The following TRAPPC10 variants were observed in gnomAD, a reference collection of about 807,000 sequenced individuals.
The protein encoded by TRAPPC10 is TRAPP 130 kDa subunit.
A neutral mutation model predicts 125.5 loss-of-function variants in TRAPPC10; 23 were observed. The observed-to-expected ratio is 0.18, with a 90% confidence interval of 0.13 to 0.26. The LOEUF (loss-of-function observed/expected upper bound fraction) is 0.26, where lower values mean the gene tolerates loss of function less well. Ranked by LOEUF, TRAPPC10 falls within the 10% of genes least tolerant of loss-of-function variation. The probability of loss-of-function intolerance (pLI) is 1.00; values close to 1 mark genes in which losing one functional copy is unlikely to be tolerated. For synonymous variants in TRAPPC10, 509 were observed against 518.0 expected, an observed-to-expected ratio of 0.98 and a Z score of 0.24; for missense variants, 1,123 against 1,308.4, an observed-to-expected ratio of 0.86 and a Z score of 2.19.
intron 3 of TRAPPC10, among the ~76,000 whole-genome samples, chr21:44,041,121 T>A (rs2034386041): frequency 6.6e-6 from 1 of 152,222 alleles, no homozygotes; most frequent in Admixed American, 6.5e-5. Context: ...TCTACTTAAT[T>A]CATTAAAATA....
chr21:44,063,486 A>G lies in TRAPPC10; in HGVS notation c.791-52A>G, dbSNP rs2036206270. The G allele has an allele frequency of 6.3e-7, 1 of 1,592,478 alleles. No individual in the cohort carries two copies. Among genetic ancestry groups the G allele is most frequent in the African/African-American group, 1.3e-5 (1 of 74,582 alleles). On this transcript the variant is annotated intron_variant, in intron 6 of 22. Coordinates refer to ENST00000291574, the MANE Select transcript of TRAPPC10 (RefSeq NM_003274.5). The surrounding 1 kb of genome is among the most constrained non-coding windows in gnomAD (Gnocchi z 4.4). ...CATCCTCAGCCTGAGCAGGAAGCTCAGGAAGGTGAAGTACCTGCAATCAGC... is the reference window on the plus strand; with the variant it reads ...CATCCTCAGCCTGAGCAGGAAGCTCGGGAAGGTGAAGTACCTGCAATCAGC...
intron 3 of TRAPPC10, among the ~76,000 whole-genome samples, chr21:44,041,945 C>T (rs1237058591): frequency 6.6e-6 from 1 of 152,108 alleles, no homozygotes; most frequent in Non-Finnish European, 1.5e-5. Context: ...AGGCTGGTCT[C>T]AAACTCCTGA....
chr21:44,063,365 C>A lies in TRAPPC10; in HGVS notation c.791-173C>A, dbSNP rs1412474615. Among the ~76,000 whole-genome samples the A allele has an allele frequency of 6.6e-6, 1 of 152,130 alleles. No individual in the cohort carries two copies. ...TGCCTGGGTCACGTTACCCTCAGCT[C>A]GGCTGTCAGTGCTGGGAGCCGAATG... On this transcript the variant is annotated intron_variant, in intron 6 of 22. Coordinates refer to ENST00000291574, the MANE Select transcript of TRAPPC10 (RefSeq NM_003274.5). This position sits in a 1 kb window ranked among gnomAD's most constrained non-coding sequence, Gnocchi z 4.4.
chr21:44,074,483 C>T lies in TRAPPC10; in HGVS notation c.1185+13C>T, dbSNP rs766590796. On this transcript the variant is annotated intron_variant, in intron 8 of 22. Transcript: ENST00000291574. ...TGCCACAGAAAAGGTGCCTACCTGC[C>T]CAAGTGTGGAATGCTCACGTTGTCT... The T allele has an allele frequency of 9.3e-6, 15 of 1,613,916 alleles. 1 individual carries two copies. In the East Asian group the frequency reaches 1.1e-4, roughly 12 times the overall value.
At chr21:44,084,588 A>G (rs1601803002) in intron 15 of TRAPPC10, among the ~76,000 whole-genome samples, 2 of 152,198 alleles carry the variant, frequency 1.3e-5, no homozygotes, top group South Asian at 4.1e-4. Flanking sequence ...GTCAATGCAG[A>G]GGACTTCTGG....
At chr21:44,078,770 C>T (rs138743161) in intron 11 of TRAPPC10, among the ~76,000 whole-genome samples, 3 of 152,332 alleles carry the variant, frequency 2.0e-5, no homozygotes, top group African/African-American at 7.2e-5. Flanking sequence ...GAGGCTTTGA[C>T]AAGCCCTTAT....
At chr21:44,035,603 C>A (rs1172989104) in intron 2 of TRAPPC10, among the ~76,000 whole-genome samples, 1 of 152,074 alleles carries the variant, frequency 6.6e-6, no homozygotes, top group Admixed American at 6.5e-5. Flanking sequence ...CATGGTGAAA[C>A]CCTGTCTCTT....
chr21:44,089,763 G>A lies in TRAPPC10; in HGVS notation c.2770-70G>A, dbSNP rs1010334744. The A allele has an allele frequency of 2.3e-4, 278 of 1,200,456 alleles. No individual in the cohort carries two copies. The Middle Eastern group carries it at 2.6e-3, about 11-fold the overall frequency. 74.4% of individuals were successfully genotyped at this position (1,200,456 alleles called of 1,614,324 possible). On this transcript the variant is annotated intron_variant, in intron 17 of 22. Transcript: ENST00000291574. Reference sequence around the variant, plus strand: ...TGGGCGGGCACTGCAGGTGAGTCTGGGCAGCAGTGGTGGTGGCTGTGCTGT... The same window carrying A: ...TGGGCGGGCACTGCAGGTGAGTCTGAGCAGCAGTGGTGGTGGCTGTGCTGT...
rs931596656 is a variant in TRAPPC10 at position 44,012,337 on chromosome 21, G to C, written c.-157G>C. ...GCCGAGGCCGGAAGTGGCTGAGGCC[G>C]GCAGCAGCGGGCGGCAGCTGCGGCG... On this transcript the variant is annotated 5_prime_UTR_variant, in exon 1 of 23. Coordinates refer to ENST00000291574, the MANE Select transcript of TRAPPC10 (RefSeq NM_003274.5). The C allele has an allele frequency of 4.8e-6, 1 of 206,704 alleles. No homozygotes were observed. Among genetic ancestry groups the C allele is most frequent in the Non-Finnish European group, 8.5e-6 (1 of 118,326 alleles). The allele number at this position is 206,704 out of a possible 1,614,324, so 12.8% of individuals were successfully genotyped here. A position where few individuals can be genotyped will look rare whatever the true frequency, so the allele number is the denominator to read the frequency against.
At chr21:44,035,979 T>C (rs2033953453) in intron 2 of TRAPPC10, among the ~76,000 whole-genome samples, 1 of 152,068 alleles carries the variant, frequency 6.6e-6, no homozygotes, top group South Asian at 2.1e-4. Flanking sequence ...AAAGCAGGAA[T>C]GGGAGAGCAT....
At chr21:44,075,602 C>T (rs938024064) in intron 9 of TRAPPC10, among the ~76,000 whole-genome samples, 1 of 152,152 alleles carries the variant, frequency 6.6e-6, no homozygotes, top group African/African-American at 2.4e-5. Context: ...CCTCTTGCCT[C>T]ACCCTCCCAG....
At chr21:44,047,553 TGTGTGTGTGTGTGC>T (rs1205608285) in intron 3 of TRAPPC10, among the ~76,000 whole-genome samples, 2 of 150,916 alleles carry the variant, frequency 1.3e-5, no homozygotes, top group African/African-American at 2.5e-5. Flanking sequence ...TGTGTGTGTG[TGTGTGTGTGTGTGC>T]GCGCACACGC....
At position 44,087,941 on chromosome 21, in the gene TRAPPC10, A is replaced by G. The variant is rs756248283; in HGVS notation, c.2769+13A>G. The G allele has an allele frequency of 3.7e-6, 6 of 1,603,220 alleles. No individual in the cohort carries two copies. Among genetic ancestry groups the G allele is most frequent in the Non-Finnish European group, 5.1e-6 (6 of 1,173,098 alleles). ...CACAGACCACAAAGTGAGTAGGGAC[A>G]GTGGAGGAGCTTAGCTTGTGGGGCG... On this transcript the variant is annotated intron_variant, in intron 17 of 22. Transcript: ENST00000291574. The surrounding 1 kb of genome is among the most constrained non-coding windows in gnomAD (Gnocchi z 4.6).
chr21:44,094,263 G>GCC, intron 20 of TRAPPC10, 30 bp downstream of exon 20: 2 of 1,584,902 alleles, frequency 1.3e-6, no homozygotes, highest in Non-Finnish European at 1.7e-6. Context: ...GGGAGGGTGG[G>GCC]GGTGAAAAAA....
At chr21:44,058,982 G>T in intron 5 of TRAPPC10, 121 bp from the exon 6 acceptor site, 1 of 643,666 alleles carries the variant, frequency 1.6e-6, no homozygotes, top group Non-Finnish European at 2.6e-6. Flanking sequence ...TTACTTAGCG[G>T]AGCGTAGACA....
At chr21:44,051,169 G>GC (rs1449179169) in intron 3 of TRAPPC10, among the ~76,000 whole-genome samples, 3 of 152,168 alleles carry the variant, frequency 2.0e-5, no homozygotes, top group Non-Finnish European at 4.4e-5. Context: ...CTCCCAAAGT[G>GC]CTAGGATTAC....
intron 1 of TRAPPC10, 118 bp from the exon 2 acceptor site, chr21:44,031,973 C>T (rs563285839): frequency 3.8e-6 from 3 of 790,922 alleles, no homozygotes; most frequent in Admixed American, 2.2e-5. Context: ...AAGAATCTTG[C>T]GATATCGCTT....
At chr21:44,086,030 G>A (rs568210602) in intron 15 of TRAPPC10, among the ~76,000 whole-genome samples, 162 of 152,356 alleles carry the variant, frequency 1.1e-3, no homozygotes, top group African/African-American at 3.7e-3. Context: ...GCTGTCAGAT[G>A]TGGGACACAG....
At chr21:44,028,405 C>T (rs1393577767) in intron 1 of TRAPPC10, among the ~76,000 whole-genome samples, 1 of 152,192 alleles carries the variant, frequency 6.6e-6, no homozygotes, top group Non-Finnish European at 1.5e-5. Context: ...GTGCCTGTGT[C>T]CCTCTGGGTG....
Sources: gnomAD v4.1 joint callset for allele counts (sites outside exome capture counted in the v4.1 genomes callset) on GRCh38, gnomAD v4.1.1 for gene constraint, Gnocchi (gnomAD v3.1) non-coding constraint, MANE v1.5 for transcripts, NCBI Gene and HGNC (gene_info 2026-07-23, HGNC 2026-07-21) for gene names.